NAALADL2: variants seen among roughly 807,000 people sequenced by gnomAD.
NAALADL2 encodes the protein N-acetylated alpha-linked acidic dipeptidase like 2.
Under a neutral mutation model 87.2 loss-of-function variants are expected in NAALADL2, and 76 were observed. That is an observed-to-expected ratio of 0.87 (90% CI 0.72 to 1.05). The LOEUF (loss-of-function observed/expected upper bound fraction) is 1.05, where lower values mean the gene tolerates loss of function less well. Ranked by LOEUF, NAALADL2 falls within the 50% of genes least tolerant of loss-of-function variation. The pLI is 0.00. For synonymous variants in NAALADL2, 354 were observed against 331.0 expected (o/e 1.07, Z -0.75); for missense variants, 1,089 against 945.8 (o/e 1.15, Z -1.99).
intron 9 of NAALADL2, among the ~76,000 whole-genome samples, chr3:175,485,827 C>A (rs1727184643): frequency 6.6e-6 from 1 of 152,164 alleles, no homozygotes; most frequent in Non-Finnish European, 1.5e-5. Context: ...TTGCATCCTT[C>A]AATGCAATCA....
intron 1 of NAALADL2, among the ~76,000 whole-genome samples, chr3:175,068,819 C>G (rs1032072252): frequency 6.6e-6 from 1 of 151,958 alleles, no homozygotes; most frequent in South Asian, 2.1e-4. Flanking sequence ...AATCAGAATA[C>G]CTTTGAAAAA....
At chr3:175,340,401 A>C (rs1172734088) in intron 5 of NAALADL2, among the ~76,000 whole-genome samples, 1 of 152,100 alleles carries the variant, frequency 6.6e-6, no homozygotes, top group Non-Finnish European at 1.5e-5. Flanking sequence ...GAGATGTATG[A>C]TATCTCTAAA....
chr3:175,667,235 GAAAGAAAA>G (rs777416011), intron 11 of NAALADL2, among the ~76,000 whole-genome samples: 2,856 of 112,614 alleles, frequency 0.025, 54 homozygotes, highest in Non-Finnish European at 0.033. Context: ...AAGAAAGAAA[GAAAGAAAA>G]AGAAAGAAAG....
At chr3:175,271,474 A>G (rs116458865) in intron 4 of NAALADL2, among the ~76,000 whole-genome samples, 2,026 of 152,258 alleles carry the variant, frequency 0.013, 41 homozygotes, top group African/African-American at 0.047. Flanking sequence ...ACCTTTTCCA[A>G]TTTTTGCAAA....
chr3:175,292,621 C>CAA (rs1553850948), intron 4 of NAALADL2, among the ~76,000 whole-genome samples: 39 of 151,782 alleles, frequency 2.6e-4, no homozygotes, highest in African/African-American at 9.4e-4. Context: ...CACACACACA[C>CAA]ACCTGAGGGG....
intron 9 of NAALADL2, among the ~76,000 whole-genome samples, chr3:175,499,486 A>AT (rs60695351): frequency 0.069 from 10,330 of 150,026 alleles, 1,183 homozygotes; most frequent in African/African-American, 0.24. Flanking sequence ...AACCTAAGGA[A>AT]TTTTTTTTTT....
rs578128390 is a variant in NAALADL2, at chr3:175,592,470, A to G, written c.1800+16283A>G. 3.7e-4 allele frequency among the ~76,000 whole-genome samples: 57 copies of G among 152,080 alleles called. 1 individual carries two copies. Among genetic ancestry groups the G allele is most frequent in the African/African-American group, 1.2e-3 (48 of 41,462 alleles). On this transcript the variant is annotated intron_variant, in intron 10 of 13. Transcript: ENST00000454872. ...TTTGGTTTCTTTACATGTAGACTGT[A>G]GTTACCTTTTCACGACCATGTCATC... is the stretch of plus-strand genomic sequence containing the variant.
At chr3:175,156,313 T>TA (rs1732307524) in intron 2 of NAALADL2, among the ~76,000 whole-genome samples, 3 of 65,094 alleles carry the variant, frequency 4.6e-5, no homozygotes, top group Non-Finnish European at 1.4e-4. Context: ...CTCAGACAAA[T>TA]CTTTAGATAA....
At chr3:175,315,013 T>A (rs1264512782) in intron 4 of NAALADL2, among the ~76,000 whole-genome samples, 1 of 152,040 alleles carries the variant, frequency 6.6e-6, no homozygotes, top group African/African-American at 2.4e-5. Context: ...AAGTCCTTTT[T>A]AATTGCTGGG....
chr3:174,738,883 T>C (rs1733482780), intron 3 of NAALADL2, among the ~76,000 whole-genome samples: 1 of 152,154 alleles, frequency 6.6e-6, no homozygotes, highest in Admixed American at 6.5e-5. Context: ...TAAAATGCAA[T>C]ATTACATGAT....
At chr3:175,534,567 G>A (rs1210267423) in intron 9 of NAALADL2, among the ~76,000 whole-genome samples, 1 of 152,068 alleles carries the variant, frequency 6.6e-6, no homozygotes, top group Non-Finnish European at 1.5e-5. Context: ...AATGTGTCCT[G>A]TCTGGATGAC....
chr3:175,605,056 A>T lies in NAALADL2; in HGVS notation c.1801-22235A>T, dbSNP rs116621785. Among the ~76,000 whole-genome samples, 1,406 of 152,308 alleles carry T rather than the reference A, an allele frequency of 9.2e-3. 19 individuals are homozygous for T. The highest frequency in any genetic ancestry group is 0.03 in the African/African-American group (1,259 of 41,568). ...AAATCATAAAAATTGTTCATTCTCT[A>T]GCTATTCCTTTATGAAGAAAGCCTT... On this transcript the variant is annotated intron_variant, in intron 10 of 13. Transcript: ENST00000454872.
chr3:174,936,643 C>CA (rs1300639324), intron 1 of NAALADL2, among the ~76,000 whole-genome samples: 12 of 152,050 alleles, frequency 7.9e-5, no homozygotes, highest in Admixed American at 1.3e-4. Context: ...GATCATAGCA[C>CA]AAAAAATCTA....
intron 3 of NAALADL2, among the ~76,000 whole-genome samples, chr3:174,818,340 T>G (rs1035508580): frequency 3.3e-5 from 5 of 151,660 alleles, no homozygotes; most frequent in African/African-American, 9.8e-5. Flanking sequence ...ATGCAGAGCT[T>G]CTTCTTGAAA....
In NAALADL2 at chr3:175,620,059, T is replaced by C. The variant is rs184365927; in HGVS notation, c.1801-7232T>C. On this transcript the variant is annotated intron_variant, in intron 10 of 13. Coordinates refer to ENST00000454872, the MANE Select transcript of NAALADL2 (RefSeq NM_207015.3). The stretch of plus-strand genomic sequence containing the variant: ...TTAACTGGCTTACAGGGGCGAGAAT[T>C]TTTATCTCTTTTTGGAAAAAAAAAA... 6.1e-5 allele frequency among the ~76,000 whole-genome samples: 8 copies of C among 130,996 alleles called. No homozygotes were observed. The East Asian group carries it at 2.0e-3, about 33-fold the overall frequency. The allele number at this position is 130,996 out of a possible 152,430, so 85.9% of individuals were successfully genotyped here. A position where few individuals can be genotyped will look rare whatever the true frequency, so the allele number is the denominator to read the frequency against.
rs142928408 is a variant in NAALADL2 at position 175,037,964 on chromosome 3, C to T, written c.44-58826C>T. ...GGAAGGGAGCGTGGATTTAAAAAGC[C>T]GAAGTAAAGACTTTCTTGGCCTCCC... On this transcript the variant is annotated intron_variant, in intron 1 of 13. Coordinates refer to ENST00000454872, the MANE Select transcript of NAALADL2 (RefSeq NM_207015.3). Among the ~76,000 whole-genome samples, 407 of 152,130 alleles carry T rather than the reference C, an allele frequency of 2.7e-3. 1 individual carries two copies. Among genetic ancestry groups the T allele is most frequent in the African/African-American group, 9.0e-3 (374 of 41,532 alleles).
intron 11 of NAALADL2, among the ~76,000 whole-genome samples, chr3:175,706,463 T>A (rs993341257): frequency 6.6e-6 from 1 of 152,166 alleles, no homozygotes; most frequent in African/African-American, 2.4e-5. Context: ...TAAAAAGGTA[T>A]GTGAACATAA....
chr3:174,650,335 A>G (rs1216797928), intron 2 of NAALADL2, among the ~76,000 whole-genome samples: 2 of 152,110 alleles, frequency 1.3e-5, no homozygotes, highest in African/African-American at 4.8e-5. Flanking sequence ...AGTAGGCAAA[A>G]CACCATATAT....
At chr3:174,553,493 A>C (rs1477862157) in intron 2 of NAALADL2, among the ~76,000 whole-genome samples, 1 of 152,192 alleles carries the variant, frequency 6.6e-6, no homozygotes, top group Non-Finnish European at 1.5e-5. Context: ...AAAATAATTA[A>C]GCAAGATAAT....
Sources: allele counts gnomAD v4.1 joint callset (sites outside exome capture counted in the v4.1 genomes callset), GRCh38; gene constraint gnomAD v4.1.1; transcripts MANE v1.5; gene names NCBI Gene and HGNC (gene_info 2026-07-23, HGNC 2026-07-21).